THSD7A: variants seen among roughly 807,000 people sequenced by gnomAD.
THSD7A encodes thrombospondin type-1 domain-containing protein 7A.
THSD7A carries 96 observed loss-of-function variants against 231.3 expected under a neutral mutation model. That is an observed-to-expected ratio of 0.41 (90% CI 0.35 to 0.49). The LOEUF is 0.49. Ranked by LOEUF, THSD7A falls within the 20% of genes least tolerant of loss-of-function variation. The pLI is 0.05. For synonymous variants in THSD7A, 940 were observed against 743.3 expected, an observed-to-expected ratio of 1.26 and a Z score of -4.30; for missense variants, 2,290 against 2,070.2, an observed-to-expected ratio of 1.11 and a Z score of -2.06.
intron 4 of THSD7A, among the ~76,000 whole-genome samples, chr7:11,556,556 T>G (rs914503972): frequency 6.6e-6 from 1 of 151,942 alleles, no homozygotes; most frequent in African/African-American, 2.4e-5. Context: ...TATACTTTGT[T>G]TACCCGCTCT....
chr7:11,485,393 T>G (rs943198102), intron 6 of THSD7A, among the ~76,000 whole-genome samples: 2 of 152,212 alleles, frequency 1.3e-5, no homozygotes, highest in Non-Finnish European at 1.5e-5. Flanking sequence ...CTTATACTTC[T>G]CTTCACACAG....
chr7:11,408,558 TAGG>T (rs1783668637), intron 19 of THSD7A, among the ~76,000 whole-genome samples: 1 of 151,986 alleles, frequency 6.6e-6, no homozygotes, highest in African/African-American at 2.4e-5. Flanking sequence ...AAGAGCTTGT[TAGG>T]AGAATATAAG....
chr7:11,786,144 T>C (rs1416765919), intron 1 of THSD7A, among the ~76,000 whole-genome samples: 2 of 148,470 alleles, frequency 1.3e-5, no homozygotes, highest in Admixed American at 1.3e-4. Context: ...TCTCTAATAG[T>C]TTGGTTAATT....
chr7:11,713,211 T>C (rs1244965671), intron 1 of THSD7A, among the ~76,000 whole-genome samples: 2 of 151,258 alleles, frequency 1.3e-5, no homozygotes, highest in African/African-American at 2.4e-5. Flanking sequence ...TCAACTTCTG[T>C]GGCATTTTGT....
At chr7:11,705,865 C>G (rs989674947) in intron 1 of THSD7A, among the ~76,000 whole-genome samples, 3 of 150,804 alleles carry the variant, frequency 2.0e-5, no homozygotes, top group African/African-American at 7.3e-5. Flanking sequence ...GTCTCAACAC[C>G]TATCACAAAG....
intron 6 of THSD7A, among the ~76,000 whole-genome samples, chr7:11,512,560 T>G (rs1245241448): frequency 6.6e-6 from 1 of 151,948 alleles, no homozygotes; most frequent in African/African-American, 2.4e-5. Flanking sequence ...TAGACTGGAT[T>G]AAGAAACTGT....
At chr7:11,689,225 T>C (rs1460939667) in intron 1 of THSD7A, among the ~76,000 whole-genome samples, 2 of 151,914 alleles carry the variant, frequency 1.3e-5, no homozygotes, top group Non-Finnish European at 2.9e-5. Flanking sequence ...TGGTTAAAGC[T>C]GCTAAAATGG....
chr7:11,418,988 A>C (rs1007328812), intron 16 of THSD7A, among the ~76,000 whole-genome samples: 62 of 152,314 alleles, frequency 4.1e-4, no homozygotes, highest in Admixed American at 3.9e-4. Context: ...TCATTAAAAA[A>C]ATGTTATGGT....
chr7:11,569,492 G>A (rs192888379), intron 4 of THSD7A, among the ~76,000 whole-genome samples: 167 of 152,286 alleles, frequency 1.1e-3, no homozygotes, highest in Admixed American at 9.5e-3. Flanking sequence ...ATCTCATCCA[G>A]TTAGAATGGC....
intron 1 of THSD7A, among the ~76,000 whole-genome samples, chr7:11,743,500 G>C (rs73298422): frequency 9.9e-5 from 15 of 151,826 alleles, no homozygotes; most frequent in African/African-American, 3.6e-4. Context: ...CTTTTTTGTA[G>C]TCTAATACTA....
At chr7:11,629,164 A>G (rs1300407681) in intron 2 of THSD7A, among the ~76,000 whole-genome samples, 2 of 152,166 alleles carry the variant, frequency 1.3e-5, no homozygotes, top group Non-Finnish European at 1.5e-5. Context: ...GTAGAATCCA[A>G]TGAGAAAGAA....
At chr7:11,776,680 T>G (rs1783416798) in intron 1 of THSD7A, among the ~76,000 whole-genome samples, 1 of 152,222 alleles carries the variant, frequency 6.6e-6, no homozygotes, top group African/African-American at 2.4e-5. Flanking sequence ...AAATTAAGCT[T>G]CTGAAAATAT....
intron 6 of THSD7A, among the ~76,000 whole-genome samples, chr7:11,539,615 T>C (rs1209302862): frequency 6.6e-6 from 1 of 152,024 alleles, no homozygotes; most frequent in East Asian, 1.9e-4. Flanking sequence ...CAAGACAAGC[T>C]AGGAGGTAAT....
At chr7:11,647,334 G>C (rs1018648339) in intron 1 of THSD7A, among the ~76,000 whole-genome samples, 7 of 152,048 alleles carry the variant, frequency 4.6e-5, no homozygotes, top group Admixed American at 4.6e-4. Flanking sequence ...ACGATGGAGA[G>C]AGGGCCAATC....
rs575398646 is a variant in THSD7A at position 11,643,599 on chromosome 7, G to A, written c.191-6638C>T. On this transcript the variant is annotated intron_variant, in intron 1 of 27. Coordinates refer to ENST00000423059, the MANE Select transcript of THSD7A (RefSeq NM_015204.3). ...ATTTCAACAGATACACCACACGCAC[G>A]CGCGCACACACACACACACACACAG... 4.6e-3 allele frequency among the ~76,000 whole-genome samples: 447 copies of A among 96,346 alleles called. 1 individual carries two copies. The highest frequency in any genetic ancestry group is 6.8e-3 in the Non-Finnish European group (371 of 54,402). 63.2% of individuals were successfully genotyped at this position (96,346 alleles called of 152,430 possible).
chr7:11,442,588 A>G (rs754279237), intron 13 of THSD7A, among the ~76,000 whole-genome samples: 2 of 152,064 alleles, frequency 1.3e-5, no homozygotes, highest in Non-Finnish European at 2.9e-5. Context: ...TGTCATAGAG[A>G]TTATAATTAG....
chr7:11,574,364 G>C (rs534417270), intron 4 of THSD7A, among the ~76,000 whole-genome samples: 2 of 151,798 alleles, frequency 1.3e-5, no homozygotes, highest in Admixed American at 6.6e-5. Context: ...AGACATAGAA[G>C]ACACTCAGTA....
At chr7:11,664,651 C>G (rs895438892) in intron 1 of THSD7A, among the ~76,000 whole-genome samples, 1 of 151,924 alleles carries the variant, frequency 6.6e-6, no homozygotes, top group African/African-American at 2.4e-5. Context: ...TAAAAGATGA[C>G]AGATACATAC....
At chr7:11,396,531 T>C (rs758243935) in intron 23 of THSD7A, among the ~76,000 whole-genome samples, 3 of 152,050 alleles carry the variant, frequency 2.0e-5, no homozygotes, top group Non-Finnish European at 4.4e-5. Flanking sequence ...CTAGAAAATT[T>C]AGAAGAGAGA....
Sources: allele counts gnomAD v4.1 joint callset (sites outside exome capture counted in the v4.1 genomes callset), GRCh38; gene constraint gnomAD v4.1.1; transcripts MANE v1.5; gene names NCBI Gene and HGNC (gene_info 2026-07-23, HGNC 2026-07-21).